NUP107: variants seen among roughly 807,000 people sequenced by gnomAD.
NUP107 encodes nuclear pore complex protein Nup107.
In NUP107, 101 loss-of-function variants were observed where a neutral mutation model predicts 141.0. The ratio of observed to expected loss-of-function variants is 0.72; its 90% confidence interval spans 0.61 to 0.84. The LOEUF (loss-of-function observed/expected upper bound fraction) is 0.84, where lower values mean the gene tolerates loss of function less well. Among genes scored for constraint, NUP107 ranks in the 40% least tolerant of loss-of-function variants. NUP107 has a pLI of 0.00. For missense variants in NUP107, 941 were observed against 1,102.7 expected (o/e 0.85, Z 2.08); for synonymous variants, 319 against 363.9 (o/e 0.88, Z 1.41).
chr12:68,711,383 CT>C (rs1214861016), intron 10 of NUP107, among the ~76,000 whole-genome samples: 1 of 150,042 alleles, frequency 6.7e-6, no homozygotes, highest in Non-Finnish European at 1.5e-5. Flanking sequence ...ATAAAAGTAA[CT>C]CAGAAGGGAG....
intron 17 of NUP107, among the ~76,000 whole-genome samples, chr12:68,724,978 G>A (rs546310078): frequency 2.8e-4 from 43 of 152,280 alleles, no homozygotes; most frequent in African/African-American, 7.7e-4. Context: ...GATGTCAGAG[G>A]TGACATTTCA....
At position 68,742,455 on chromosome 12, in the gene NUP107, A is replaced by C. The variant is rs1878360203; in HGVS notation, c.2771A>C (p.Gln924Pro). 6.5e-7 allele frequency: 1 copy of C among 1,540,348 alleles called. No individual in the cohort carries two copies. Among genetic ancestry groups the C allele is most frequent in the Non-Finnish European group, 8.9e-7 (1 of 1,126,042 alleles). The change falls in exon 28 of 28, where the codon CAG becomes CCG. Residue 924 changes from glutamine to proline, a missense_variant. By Grantham distance (76) the Gln-to-Pro change is moderately conservative. Transcript: ENST00000229179. ...QGLDPLGYEI[Q>P]L The stretch of plus-strand genomic sequence containing the variant: ...CTTGACCCATTAGGGTATGAAATTC[A>C]GTTATAGTTTAATCTTTGTAATCTC...
chr12:68,738,779 C>T (rs567050407), intron 26 of NUP107, among the ~76,000 whole-genome samples: 1 of 152,154 alleles, frequency 6.6e-6, no homozygotes, highest in African/African-American at 2.4e-5. Context: ...TAGTCCAAGC[C>T]TCTACTGTCT....
At chr12:68,695,689 A>G (rs1175100679) in intron 5 of NUP107, among the ~76,000 whole-genome samples, 3 of 152,234 alleles carry the variant, frequency 2.0e-5, no homozygotes, top group African/African-American at 7.2e-5. Context: ...TTCTGTGGAT[A>G]CATAGTGGTG....
chr12:68,741,716 C>A, intron 26 of NUP107, 97 bp from the exon 27 acceptor site: 1 of 1,064,762 alleles, frequency 9.4e-7, no homozygotes, highest in Non-Finnish European at 1.4e-6. Flanking sequence ...ATCTTGTCTA[C>A]CAATTACATT....
chr12:68,698,549 C>A (rs1421809618), intron 6 of NUP107, among the ~76,000 whole-genome samples: 2 of 152,148 alleles, frequency 1.3e-5, no homozygotes, highest in Non-Finnish European at 2.9e-5. Flanking sequence ...CCAAGATATC[C>A]TTCAGTGGGC....
chr12:68,726,047 C>A (rs997287377), intron 18 of NUP107, among the ~76,000 whole-genome samples: 2 of 152,006 alleles, frequency 1.3e-5, no homozygotes, highest in Non-Finnish European at 2.9e-5. Flanking sequence ...GTTGGCCAGG[C>A]TGGTCTCCAA....
intron 5 of NUP107, among the ~76,000 whole-genome samples, chr12:68,694,451 G>A (rs949351268): frequency 3.3e-5 from 5 of 152,126 alleles, no homozygotes; most frequent in African/African-American, 7.2e-5. Flanking sequence ...TTTTGTGCAC[G>A]AAAGAATACA....
intron 12 of NUP107, among the ~76,000 whole-genome samples, chr12:68,719,132 A>G (rs1042724410): frequency 1.4e-4 from 21 of 152,182 alleles, no homozygotes; most frequent in Non-Finnish European, 2.1e-4. Flanking sequence ...CAGGTGATGC[A>G]CTTGCCTTGG....
intron 8 of NUP107, among the ~76,000 whole-genome samples, chr12:68,703,588 C>T (rs1300652337): frequency 6.6e-6 from 1 of 151,696 alleles, no homozygotes; most frequent in Non-Finnish European, 1.5e-5. Flanking sequence ...GTAGCTGGGA[C>T]TACAGGCTTG....
At chr12:68,716,215 C>T in intron 12 of NUP107, among the ~76,000 whole-genome samples, 2 of 134,968 alleles carry the variant, frequency 1.5e-5, no homozygotes, top group Non-Finnish European at 1.6e-5. Context: ...TTTTTTTTTC[C>T]TTTTTCTTTC....
At chr12:68,712,124 C>G (rs758800505) in intron 10 of NUP107, among the ~76,000 whole-genome samples, 1 of 152,042 alleles carries the variant, frequency 6.6e-6, no homozygotes, top group Admixed American at 6.6e-5. Context: ...TTAAGTCTTG[C>G]AAAAGATTTT....
chr12:68,724,895 A>T (rs11837700), intron 17 of NUP107, among the ~76,000 whole-genome samples: 45 of 152,316 alleles, frequency 3.0e-4, no homozygotes, highest in African/African-American at 1.1e-3. Flanking sequence ...ACAGTATAGA[A>T]CTGACATGAA....
rs1877584206 is a variant in NUP107, at chr12:68,726,751, G to C, written c.1695+134G>C. On this transcript the variant is annotated intron_variant, in intron 19 of 27. Transcript: ENST00000229179. ...AATCAAAAGTCTTCCATATAGTCTT[G>C]TATAGTCACTCAATGATAACTCACT... 4.7e-6 allele frequency: 3 copies of C among 640,646 alleles called. No homozygotes were observed. In the Admixed American group the frequency reaches 7.9e-5, roughly 17 times the overall value. The allele number at this position is 640,646 out of a possible 1,614,324, so 39.7% of individuals were successfully genotyped here.
intron 3 of NUP107, among the ~76,000 whole-genome samples, chr12:68,690,230 A>G (rs1875719435): frequency 6.6e-6 from 1 of 151,770 alleles, no homozygotes; most frequent in Non-Finnish European, 1.5e-5. Context: ...GACAGAAAAA[A>G]AAGAGTATGT....
rs1876086824 is a variant in NUP107 at position 68,696,854 on chromosome 12, T to C, written c.484T>C (p.Phe162Leu). 1 of 1,609,684 alleles carries C rather than the reference T, an allele frequency of 6.2e-7. No homozygotes were observed. The highest frequency in any genetic ancestry group is 8.5e-7 in the Non-Finnish European group (1 of 1,178,460). ...MSMFSDFLQS[F>L]LKHSSSTVFD... The stretch of plus-strand genomic sequence containing the variant: ...TATGTTTTCTGATTTCCTGCAGTCT[T>C]TTCTGAAGCACTCTTCGAGTACAGT... Residue 162 changes from phenylalanine (F) to leucine (L), a missense_variant, in exon 6 of 28, where the codon TTT becomes CTT. Coordinates refer to ENST00000229179, the MANE Select transcript of NUP107 (RefSeq NM_020401.4).
At chr12:68,734,972 C>G in intron 25 of NUP107, 139 bp downstream of exon 25, 1 of 1,034,266 alleles carries the variant, frequency 9.7e-7, no homozygotes, top group East Asian at 2.6e-5. Context: ...TTGGAAGATG[C>G]AATCTGTTTA....
chr12:68,722,788 T>G (rs1877410291), intron 17 of NUP107, among the ~76,000 whole-genome samples: 1 of 152,222 alleles, frequency 6.6e-6, no homozygotes, highest in Non-Finnish European at 1.5e-5. Context: ...TCACTTAACC[T>G]TATTCTTTTT....
Position 68,692,072 on chromosome 12 carries a change from C to G in NUP107, c.408C>G (p.Ile136Met). 1 of 1,610,976 alleles carries G rather than the reference C, an allele frequency of 6.2e-7. No homozygotes were observed. The highest frequency in any genetic ancestry group is 1.7e-5 in the Admixed American group (1 of 59,294). ...EPHSITEDVT[I>M]SAVMLREDDP... The stretch of plus-strand genomic sequence containing the variant: ...ACAGTATAACAGAAGATGTAACTAT[C>G]AGTGCTGTTATGTTACGTGAGGATG... Residue 136 changes from isoleucine (I) to methionine (M), a missense_variant, in exon 5 of 28, where the codon ATC (isoleucine) becomes ATG (methionine). By Grantham distance (10) the Ile-to-Met change is conservative. Transcript: ENST00000229179.
Sources: allele counts gnomAD v4.1 joint callset (sites outside exome capture counted in the v4.1 genomes callset), GRCh38; gene constraint gnomAD v4.1.1; transcripts MANE v1.5; gene names NCBI Gene and HGNC (gene_info 2026-07-23, HGNC 2026-07-21).